GNAS-AS1: variants seen among roughly 807,000 people sequenced by gnomAD.
GNAS-AS1 encodes the protein GNAS antisense RNA 1.
intron 2 of GNAS-AS1, among the ~76,000 whole-genome samples, chr20:58,843,860 G>A (rs1484575445): frequency 6.6e-6 from 1 of 152,332 alleles, no homozygotes; most frequent in Middle Eastern, 3.4e-3. Flanking sequence ...GGGTCAACCT[G>A]ATGTAGGTTT....
At chr20:58,821,361 C>T (rs769352044) in intron 4 of GNAS-AS1, among the ~76,000 whole-genome samples, 21 of 152,358 alleles carry the variant, frequency 1.4e-4, no homozygotes, top group Middle Eastern at 3.4e-3. Context: ...TCCATCAGCT[C>T]CATCATTTTC....
chr20:58,821,714 A>G (rs1235434201), intron 4 of GNAS-AS1, among the ~76,000 whole-genome samples: 1 of 152,144 alleles, frequency 6.6e-6, no homozygotes, highest in Non-Finnish European at 1.5e-5. Context: ...CTTCATGTAC[A>G]TGGCTCTGAA....
intron 4 of GNAS-AS1, chr20:58,839,844 A>G: frequency 5.0e-6 from 3 of 594,676 alleles, no homozygotes; most frequent in African/African-American, 1.9e-5. Context: ...GGAGCCCGGG[A>G]GGAGACAGAA....
chr20:58,840,908 T>C lies in GNAS-AS1; in HGVS notation n.819+1029A>G. On this transcript the variant is annotated intron_variant and non_coding_transcript_variant, in intron 4 of 4. Coordinates refer to ENST00000424094, the Ensembl canonical transcript of GNAS-AS1. This position sits in a 1 kb window ranked among gnomAD's most constrained non-coding sequence, Gnocchi z 6.0. ...TCAGGTTAGTTGCCCACCGCTAAAC[T>C]GGGGAGCCTGAGGGCGGTGTGGGAG... The C allele has an allele frequency of 6.2e-7, 1 of 1,610,998 alleles. No individual in the cohort carries two copies. Among genetic ancestry groups the C allele is most frequent in the Non-Finnish European group, 8.5e-7 (1 of 1,179,122 alleles).
chr20:58,843,234 C>T (rs544610539), intron 2 of GNAS-AS1: 2 of 151,066 alleles, frequency 1.3e-5, no homozygotes, highest in African/African-American at 4.9e-5. Flanking sequence ...ATTCCCCTCC[C>T]CCAGCTTCCC....
At chr20:58,830,588 CA>C in intron 4 of GNAS-AS1, among the ~76,000 whole-genome samples, 1 of 113,290 alleles carries the variant, frequency 8.8e-6, no homozygotes, top group African/African-American at 3.5e-5. Context: ...ACCACCACCA[CA>C]ATCACCACCA....
At chr20:58,825,929 G>C (rs901691285) in intron 4 of GNAS-AS1, 12 of 395,782 alleles carry the variant, frequency 3.0e-5, no homozygotes, top group African/African-American at 2.5e-4. Flanking sequence ...CACGACAACT[G>C]GTGGCCACAG....
chr20:58,845,005 T>C (rs998558737), intron 2 of GNAS-AS1, among the ~76,000 whole-genome samples: 5 of 149,990 alleles, frequency 3.3e-5, no homozygotes, highest in Admixed American at 2.0e-4. Context: ...CACTTAGCCA[T>C]CCTGAGAGTC....
At chr20:58,847,387 C>T (rs576298022) in intron 2 of GNAS-AS1, among the ~76,000 whole-genome samples, 6 of 152,336 alleles carry the variant, frequency 3.9e-5, no homozygotes, top group Non-Finnish European at 7.3e-5. Flanking sequence ...CTGCCTCCAC[C>T]GGCCAAGGCG....
chr20:58,841,699 T>G lies in GNAS-AS1; in HGVS notation n.819+238A>C. 3.3e-6 allele frequency: 4 copies of G among 1,205,888 alleles called. No homozygotes were observed. Among genetic ancestry groups the G allele is most frequent in the Non-Finnish European group, 4.1e-6 (4 of 971,556 alleles). The allele number at this position is 1,205,888 out of a possible 1,614,324, so 74.7% of individuals were successfully genotyped here. On this transcript the variant is annotated intron_variant and non_coding_transcript_variant, in intron 4 of 4. Transcript: ENST00000424094. The surrounding 1 kb of genome is among the most constrained non-coding windows in gnomAD (Gnocchi z 5.0). ...AAAGGTAGAGGAGGTAAGGGGACCCTTGGGGATGCCCCTACGGGCTACCAG... is the reference window on the plus strand; with the variant it reads ...AAAGGTAGAGGAGGTAAGGGGACCCGTGGGGATGCCCCTACGGGCTACCAG...
rs748461622 is a variant in GNAS-AS1, at chr20:58,840,524, G to A, written n.819+1413C>T. The A allele has an allele frequency of 1.2e-6, 2 of 1,613,560 alleles. No individual in the cohort carries two copies. The highest frequency in any genetic ancestry group is 1.7e-6 in the Non-Finnish European group (2 of 1,180,014). On this transcript the variant is annotated intron_variant and non_coding_transcript_variant, in intron 4 of 4. Coordinates refer to ENST00000424094, the Ensembl canonical transcript of GNAS-AS1. The surrounding 1 kb of genome is among the most constrained non-coding windows in gnomAD (Gnocchi z 6.0). Reference sequence around the variant, plus strand: ...CGCCCCCACCACTGAGCCCGAGACCGAGCCTGAAGACGATCGCGGCCCGGT... The same window carrying A: ...CGCCCCCACCACTGAGCCCGAGACCAAGCCTGAAGACGATCGCGGCCCGGT...
chr20:58,840,053 C>A lies in GNAS-AS1; in HGVS notation n.819+1884G>T. On this transcript the variant is annotated intron_variant and non_coding_transcript_variant, in intron 4 of 4. Transcript: ENST00000424094. This position sits in a 1 kb window ranked among gnomAD's most constrained non-coding sequence, Gnocchi z 6.0. ...CTCCAGCAGCCAATGTGCTTCGGAG[C>A]CACTCTCTGCAGAGCCAGAGGGCAG... 2 of 1,594,504 alleles carry A rather than the reference C, an allele frequency of 1.3e-6. No homozygotes were observed. Among genetic ancestry groups the A allele is most frequent in the South Asian group, 2.2e-5 (2 of 90,798 alleles).
chr20:58,842,047 G>A, exon 4 of GNAS-AS1: 1 of 541,922 alleles, frequency 1.8e-6, no homozygotes. Context: ...GGCGGCTCCG[G>A]CAGCCTTGGG....
At position 58,840,266 on chromosome 20, in the gene GNAS-AS1, C is replaced by G. The variant is rs1412616491; in HGVS notation, n.819+1671G>C. On this transcript the variant is annotated intron_variant and non_coding_transcript_variant, in intron 4 of 4. Coordinates refer to ENST00000424094, the Ensembl canonical transcript of GNAS-AS1. The surrounding 1 kb of genome is among the most constrained non-coding windows in gnomAD (Gnocchi z 6.0). ...TGCCACCTCCAACGCCCGTGCCCAG[C>G]AGCGCGCGGCTGCCCAACAGCGCCG... is the stretch of plus-strand genomic sequence containing the variant. The G allele has an allele frequency of 6.2e-7, 1 of 1,611,854 alleles. No individual in the cohort carries two copies. Among genetic ancestry groups the G allele is most frequent in the South Asian group, 1.1e-5 (1 of 91,072 alleles).
In GNAS-AS1 at chr20:58,840,607, G is replaced by A. The variant is rs1490961354; in HGVS notation, n.819+1330C>T. On this transcript the variant is annotated intron_variant and non_coding_transcript_variant, in intron 4 of 4. Transcript: ENST00000424094. This position sits in a 1 kb window ranked among gnomAD's most constrained non-coding sequence, Gnocchi z 6.0. The stretch of plus-strand genomic sequence containing the variant: ...TCACCCAGCGTCTGCACGCTCTCAA[G>A]TTGCGAAGCCCCGACGCCTCCCCAA... 5 of 1,609,704 alleles carry A rather than the reference G, an allele frequency of 3.1e-6. No homozygotes were observed. Among genetic ancestry groups the A allele is most frequent in the Non-Finnish European group, 4.2e-6 (5 of 1,178,482 alleles).
intron 4 of GNAS-AS1, among the ~76,000 whole-genome samples, chr20:58,824,670 G>A (rs932301828): frequency 6.6e-6 from 1 of 152,212 alleles, no homozygotes; most frequent in Non-Finnish European, 1.5e-5. Context: ...TCATCTAGCA[G>A]AATGTCCTTC....
At chr20:58,846,116 A>G (rs4812039) in intron 2 of GNAS-AS1, among the ~76,000 whole-genome samples, 63,992 of 152,072 alleles carry the variant, frequency 0.42, 15,735 homozygotes, top group East Asian at 0.81. Flanking sequence ...TCACAGAAAA[A>G]AAGGAAGATG....
intron 4 of GNAS-AS1, among the ~76,000 whole-genome samples, chr20:58,832,260 T>C (rs1056563185): frequency 2.0e-5 from 3 of 152,280 alleles, no homozygotes; most frequent in East Asian, 1.9e-4. Context: ...CAAACTCACA[T>C]AGGATATATT....
chr20:58,848,758 G>A (rs893537109), intron 2 of GNAS-AS1: 15 of 395,626 alleles, frequency 3.8e-5, no homozygotes, highest in Non-Finnish European at 5.8e-5. Flanking sequence ...TTACTATACC[G>A]GATTCCTCAG....
Sources: allele counts gnomAD v4.1 joint callset (sites outside exome capture counted in the v4.1 genomes callset), GRCh38; gene constraint gnomAD v4.1.1; non-coding constraint Gnocchi (gnomAD v3.1); transcripts MANE v1.5; gene names NCBI Gene and HGNC (gene_info 2026-07-23, HGNC 2026-07-21).